Variants in OSBPL3 observed in about 807,000 individuals in gnomAD.
The protein encoded by OSBPL3 is oxysterol binding protein like 3.
A neutral mutation model predicts 120.1 loss-of-function variants in OSBPL3; 65 were observed. That is an observed-to-expected ratio of 0.54 (90% CI 0.44 to 0.67). OSBPL3 has a LOEUF of 0.67. OSBPL3 is among the 30% of genes least tolerant of loss of function. The pLI is 0.00. For missense variants in OSBPL3, 1,004 were observed against 1,082.1 expected (o/e 0.93, Z 1.01); for synonymous variants, 416 against 402.6 (o/e 1.03, Z -0.40).
At chr7:24,826,202 G>A (rs1795687836) in intron 16 of OSBPL3, among the ~76,000 whole-genome samples, 1 of 152,214 alleles carries the variant, frequency 6.6e-6, no homozygotes. Context: ...AAGGAAAGAA[G>A]GGAAGTCCTT....
At chr7:24,907,160 C>T (rs1765413695) in intron 1 of OSBPL3, among the ~76,000 whole-genome samples, 1 of 152,282 alleles carries the variant, frequency 6.6e-6, no homozygotes, top group South Asian at 2.1e-4. Flanking sequence ...TTTTAGACCA[C>T]CATTAGGCCC....
chr7:24,945,708 A>G (rs559652907), intron 1 of OSBPL3, among the ~76,000 whole-genome samples: 3 of 152,332 alleles, frequency 2.0e-5, no homozygotes, highest in Admixed American at 2.0e-4. Flanking sequence ...AACTCATTTT[A>G]TAGCTTGAGG....
chr7:24,969,309 C>G (rs1002036029), intron 1 of OSBPL3, among the ~76,000 whole-genome samples: 4 of 152,304 alleles, frequency 2.6e-5, no homozygotes, highest in Middle Eastern at 3.4e-3. Context: ...TGTGTTCAAA[C>G]TCTTTGCCTT....
intron 19 of OSBPL3, 103 bp downstream of exon 19, chr7:24,814,956 C>G: frequency 9.2e-7 from 1 of 1,087,146 alleles, no homozygotes; most frequent in East Asian, 2.4e-5. Context: ...TGCCTGCTGG[C>G]ATAAAGGTGA....
rs942991509 is a variant in OSBPL3, at chr7:24,932,103, C to A, written c.-149-39482G>T. On this transcript the variant is annotated intron_variant, in intron 1 of 22. Coordinates refer to ENST00000313367, the MANE Select transcript of OSBPL3 (RefSeq NM_015550.4). The surrounding 1 kb of genome is among the most constrained non-coding windows in gnomAD (Gnocchi z 5.6). The stretch of plus-strand genomic sequence containing the variant: ...GCTTTCCCTACAGACTGGTTCAAAC[C>A]AGTGGTCAGTTTTCCCATAAACCAG... Among the ~76,000 whole-genome samples the A allele has an allele frequency of 3.9e-5, 6 of 152,210 alleles. No individual in the cohort carries two copies. Among genetic ancestry groups the A allele is most frequent in the African/African-American group, 1.4e-4 (6 of 41,452 alleles).
intron 1 of OSBPL3, among the ~76,000 whole-genome samples, chr7:24,935,607 C>T (rs1044947098): frequency 6.6e-6 from 1 of 151,868 alleles, no homozygotes; most frequent in African/African-American, 2.4e-5. Context: ...ATAAAGTATG[C>T]TTATATCTAA....
intron 1 of OSBPL3, among the ~76,000 whole-genome samples, chr7:24,962,218 G>A (rs113248627): frequency 0.23 from 34,829 of 151,476 alleles, 4,907 homozygotes; most frequent in Non-Finnish European, 0.33. Flanking sequence ...CAGGAGAATC[G>A]CTTGAACCTG....
Position 24,937,963 on chromosome 7 carries a change from A to G in OSBPL3, c.-150+41923T>C, listed in dbSNP as rs555163345. ...ACAGTGAAGGACAGAGAAGAAAACT[A>G]TGGAGTGTTCTGCTTGGGTAACAAA... On this transcript the variant is annotated intron_variant, in intron 1 of 22. Coordinates refer to ENST00000313367, the MANE Select transcript of OSBPL3 (RefSeq NM_015550.4). This position sits in a 1 kb window ranked among gnomAD's most constrained non-coding sequence, Gnocchi z 4.0. Among the ~76,000 whole-genome samples, 9 of 152,364 alleles carry G rather than the reference A, an allele frequency of 5.9e-5. No homozygotes were observed. The highest frequency in any genetic ancestry group is 3.4e-3 in the Middle Eastern group (1 of 294).
At position 24,879,285 on chromosome 7, in the gene OSBPL3, A is replaced by G. The variant is rs1562873995; in HGVS notation, c.97-7216T>C. ...TTGCATTAGCTCTATAACCTCAAGT[A>G]CAATCCCTGACTTTGGGATCTAAGT... On this transcript the variant is annotated intron_variant, in intron 2 of 22. Coordinates refer to ENST00000313367, the MANE Select transcript of OSBPL3 (RefSeq NM_015550.4). This position sits in a 1 kb window ranked among gnomAD's most constrained non-coding sequence, Gnocchi z 5.6. 6.6e-6 allele frequency among the ~76,000 whole-genome samples: 1 copy of G among 152,250 alleles called. No homozygotes were observed. The highest frequency in any genetic ancestry group is 2.4e-5 in the African/African-American group (1 of 41,468).
At chr7:24,888,490 T>C (rs1804856379) in intron 2 of OSBPL3, among the ~76,000 whole-genome samples, 1 of 152,216 alleles carries the variant, frequency 6.6e-6, no homozygotes, top group Non-Finnish European at 1.5e-5. Flanking sequence ...GAGATTTTAT[T>C]GACAGGTTGT....
At position 24,804,531 on chromosome 7, in the gene OSBPL3, T is replaced by C; in HGVS notation, c.2445-94A>G. 3.3e-6 allele frequency: 4 copies of C among 1,205,132 alleles called. No individual in the cohort carries two copies. Among genetic ancestry groups the C allele is most frequent in the Non-Finnish European group, 4.7e-6 (4 of 849,230 alleles). 74.7% of individuals were successfully genotyped at this position (1,205,132 alleles called of 1,614,324 possible). Reference sequence around the variant, plus strand: ...ACTTGCATGTGTCCACGACTGGATATTCAAAATCCTCTCCTATACGTAAGA... The same window carrying C: ...ACTTGCATGTGTCCACGACTGGATACTCAAAATCCTCTCCTATACGTAAGA... On this transcript the variant is annotated intron_variant, in intron 21 of 22. Coordinates refer to ENST00000313367, the MANE Select transcript of OSBPL3 (RefSeq NM_015550.4). The surrounding 1 kb of genome is among the most constrained non-coding windows in gnomAD (Gnocchi z 5.4).
At position 24,806,707 on chromosome 7, in the gene OSBPL3, G is replaced by T; in HGVS notation, c.2444+69C>A. 6.8e-7 allele frequency: 1 copy of T among 1,472,774 alleles called. No homozygotes were observed. Among genetic ancestry groups the T allele is most frequent in the South Asian group, 1.3e-5 (1 of 78,330 alleles). The allele number at this position is 1,472,774 out of a possible 1,614,324, so 91.2% of individuals were successfully genotyped here. On this transcript the variant is annotated intron_variant, in intron 21 of 22. Coordinates refer to ENST00000313367, the MANE Select transcript of OSBPL3 (RefSeq NM_015550.4). The surrounding 1 kb of genome is among the most constrained non-coding windows in gnomAD (Gnocchi z 5.2). ...TCTCAGGTGCCTCTGGTGGCCTAAG[G>T]ATTGTTAATAAGACTTTTTGTAAAG...
At chr7:24,887,972 T>C (rs546279152) in intron 2 of OSBPL3, among the ~76,000 whole-genome samples, 52 of 152,354 alleles carry the variant, frequency 3.4e-4, no homozygotes, top group African/African-American at 1.2e-3. Flanking sequence ...AGATGTCAAA[T>C]GTAGCCCAAT....
chr7:24,872,448 AGTGTGTGTGT>A lies in OSBPL3; in HGVS notation c.97-389_97-380del, dbSNP rs371127031. 0.011 allele frequency among the ~76,000 whole-genome samples: 1,616 copies of A among 144,982 alleles called. 18 individuals carry two copies. The highest frequency in any genetic ancestry group is 0.045 in the Middle Eastern group (13 of 290). ...TCAGTCTGAATTTTAACCGAAAGAGAGTGTGTGTGTGTGTGTGTGTGTGTGTGTGTGTGTG... is the reference window on the plus strand; with the variant it reads ...TCAGTCTGAATTTTAACCGAAAGAGAGTGTGTGTGTGTGTGTGTGTGTGTG... On this transcript the variant is annotated intron_variant, in intron 2 of 22. Transcript: ENST00000313367. The surrounding 1 kb of genome is among the most constrained non-coding windows in gnomAD (Gnocchi z 4.1).
intron 1 of OSBPL3, among the ~76,000 whole-genome samples, chr7:24,950,804 T>C (rs1354464855): frequency 1.3e-5 from 2 of 152,016 alleles, no homozygotes; most frequent in Admixed American, 6.5e-5. Flanking sequence ...AAGAGGGTCA[T>C]TCAGAACAAA....
chr7:24,965,814 G>A lies in OSBPL3; in HGVS notation c.-150+14072C>T, dbSNP rs2522243. Among the ~76,000 whole-genome samples, 118,802 of 152,118 alleles carry A rather than the reference G, an allele frequency of 0.78. 46,700 individuals carry two copies. Among genetic ancestry groups the A allele is most frequent in the South Asian group, 0.9 (4,347 of 4,820 alleles). On this transcript the variant is annotated intron_variant, in intron 1 of 22. Coordinates refer to ENST00000313367, the MANE Select transcript of OSBPL3 (RefSeq NM_015550.4). The surrounding 1 kb of genome is among the most constrained non-coding windows in gnomAD (Gnocchi z 4.3). Reference sequence around the variant, plus strand: ...AATCCTCCCACCTCAGCCTCCCAAAGTGTTGGGATTACAGGCATTAGCCAC... The same window carrying A: ...AATCCTCCCACCTCAGCCTCCCAAAATGTTGGGATTACAGGCATTAGCCAC...
chr7:24,814,818 T>C (rs921891166), intron 19 of OSBPL3, among the ~76,000 whole-genome samples: 3 of 152,246 alleles, frequency 2.0e-5, no homozygotes, highest in African/African-American at 7.2e-5. Context: ...CAGTGATTTA[T>C]GTTTTAAAAG....
In OSBPL3 at chr7:24,964,139, G is replaced by T. The variant is rs1425287269; in HGVS notation, c.-150+15747C>A. Among the ~76,000 whole-genome samples the T allele has an allele frequency of 6.6e-6, 1 of 152,032 alleles. No homozygotes were observed. ...ACTGATTGAATAAACAAATGGAGAA[G>T]AAGAAACAAATCCGACTCACAGAAG... On this transcript the variant is annotated intron_variant, in intron 1 of 22. Transcript: ENST00000313367. The surrounding 1 kb of genome is among the most constrained non-coding windows in gnomAD (Gnocchi z 4.2).
chr7:24,910,886 C>T (rs551094362), intron 1 of OSBPL3, among the ~76,000 whole-genome samples: 44 of 152,184 alleles, frequency 2.9e-4, no homozygotes, highest in Non-Finnish European at 5.4e-4. Flanking sequence ...TTCTCAACCC[C>T]GGCTGCGTGA....
Sources: gnomAD v4.1 joint callset for allele counts (sites outside exome capture counted in the v4.1 genomes callset) on GRCh38, gnomAD v4.1.1 for gene constraint, Gnocchi (gnomAD v3.1) non-coding constraint, MANE v1.5 for transcripts, NCBI Gene and HGNC (gene_info 2026-07-23, HGNC 2026-07-21) for gene names.